NXPH1: variants seen among roughly 807,000 people sequenced by gnomAD.
The protein encoded by NXPH1 is neurexophilin 1.
Under a neutral mutation model 23.7 loss-of-function variants are expected in NXPH1, and 5 were observed. The observed-to-expected ratio is 0.21, with a 90% CI of 0.11 to 0.44. NXPH1 has a LOEUF of 0.44. Ranked by LOEUF, NXPH1 falls within the 20% of genes least tolerant of loss-of-function variation. NXPH1 has a pLI of 0.99. For missense variants in NXPH1, 324 were observed against 321.6 expected, an observed-to-expected ratio of 1.01 and a Z score of -0.06; for synonymous variants, 144 against 122.2, an observed-to-expected ratio of 1.18 and a Z score of -1.18.
intron 2 of NXPH1, among the ~76,000 whole-genome samples, chr7:8,566,265 T>G (rs1033437114): frequency 6.6e-6 from 1 of 151,858 alleles, no homozygotes; most frequent in Admixed American, 6.6e-5. Context: ...GACACTGTGG[T>G]GCTCTCTTTT....
intron 2 of NXPH1, among the ~76,000 whole-genome samples, chr7:8,660,596 G>T (rs1161555063): frequency 1.3e-5 from 2 of 152,166 alleles, no homozygotes; most frequent in African/African-American, 4.8e-5. Flanking sequence ...GACAGGAAAT[G>T]TAAATTTGAA....
chr7:8,462,803 A>G (rs745892556), intron 2 of NXPH1, among the ~76,000 whole-genome samples: 2 of 151,934 alleles, frequency 1.3e-5, no homozygotes, highest in Non-Finnish European at 2.9e-5. Context: ...TTATCCTTTT[A>G]CTCTTATCAC....
At chr7:8,522,620 G>T (rs1439396429) in intron 2 of NXPH1, among the ~76,000 whole-genome samples, 1 of 152,094 alleles carries the variant, frequency 6.6e-6, no homozygotes, top group African/African-American at 2.4e-5. Context: ...TTTTGTGATT[G>T]TTAATTTTAT....
chr7:8,476,347 C>A (rs1816971325), intron 2 of NXPH1, among the ~76,000 whole-genome samples: 1 of 152,064 alleles, frequency 6.6e-6, no homozygotes, highest in Non-Finnish European at 1.5e-5. Context: ...TTTTTCTAAT[C>A]TTTTTCTGTT....
chr7:8,591,863 A>G (rs545908448), intron 2 of NXPH1, among the ~76,000 whole-genome samples: 29 of 135,888 alleles, frequency 2.1e-4, no homozygotes, highest in Admixed American at 4.5e-4. Context: ...TTTTTTTTTG[A>G]TAGTCTCTTT....
At chr7:8,614,187 A>T (rs577631156) in intron 2 of NXPH1, among the ~76,000 whole-genome samples, 1 of 152,056 alleles carries the variant, frequency 6.6e-6, no homozygotes, top group East Asian at 1.9e-4. Context: ...TGTTAGATAG[A>T]TTATATCTTT....
chr7:8,525,752 A>G (rs1817851895), intron 2 of NXPH1, among the ~76,000 whole-genome samples: 1 of 152,184 alleles, frequency 6.6e-6, no homozygotes, highest in Non-Finnish European at 1.5e-5. Context: ...CGTGGTGTTG[A>G]GCATGTGGGT....
intron 2 of NXPH1, among the ~76,000 whole-genome samples, chr7:8,571,224 G>T (rs1329937636): frequency 6.6e-6 from 1 of 151,794 alleles, no homozygotes; most frequent in Non-Finnish European, 1.5e-5. Flanking sequence ...GAGAGTCTGG[G>T]CTAAGACAGG....
chr7:8,498,798 C>G (rs1359802957), intron 2 of NXPH1, among the ~76,000 whole-genome samples: 1 of 151,908 alleles, frequency 6.6e-6, no homozygotes, highest in African/African-American at 2.4e-5. Flanking sequence ...GTTCTAAGAG[C>G]TTAGTAAGAG....
At chr7:8,661,963 T>G (rs1221336205) in intron 2 of NXPH1, among the ~76,000 whole-genome samples, 1 of 151,966 alleles carries the variant, frequency 6.6e-6, no homozygotes, top group African/African-American at 2.4e-5. Context: ...AAATTGTAAA[T>G]TACACAAAAT....
At chr7:8,533,846 G>A (rs1295463165) in intron 2 of NXPH1, among the ~76,000 whole-genome samples, 1 of 152,134 alleles carries the variant, frequency 6.6e-6, no homozygotes, top group East Asian at 1.9e-4. Context: ...GTGTCAAGGG[G>A]AGGAAGAAGG....
At chr7:8,522,267 T>C (rs1164587971) in intron 2 of NXPH1, among the ~76,000 whole-genome samples, 2 of 152,164 alleles carry the variant, frequency 1.3e-5, no homozygotes, top group African/African-American at 2.4e-5. Context: ...AGCATGAGTC[T>C]AGCTCTATCC....
intron 2 of NXPH1, among the ~76,000 whole-genome samples, chr7:8,572,725 A>T (rs1161919322): frequency 6.6e-6 from 1 of 152,086 alleles, no homozygotes; most frequent in Non-Finnish European, 1.5e-5. Flanking sequence ...TCTGTTTTTT[A>T]AAATTTTAAG....
chr7:8,487,498 C>T (rs1817178259), intron 2 of NXPH1, among the ~76,000 whole-genome samples: 1 of 152,086 alleles, frequency 6.6e-6, no homozygotes, highest in Middle Eastern at 3.2e-3. Flanking sequence ...TTATAAATTA[C>T]CTATTCATGG....
chr7:8,666,873 G>A (rs777591754), intron 2 of NXPH1, among the ~76,000 whole-genome samples: 1 of 151,814 alleles, frequency 6.6e-6, no homozygotes, highest in Non-Finnish European at 1.5e-5. Flanking sequence ...TAGTTGTAAT[G>A]TCTCCTATAT....
intron 2 of NXPH1, among the ~76,000 whole-genome samples, chr7:8,504,152 C>G (rs1817484192): frequency 6.6e-6 from 1 of 152,022 alleles, no homozygotes; most frequent in Non-Finnish European, 1.5e-5. Flanking sequence ...TTCCACAAAG[C>G]CTTTCCCATT....
intron 2 of NXPH1, among the ~76,000 whole-genome samples, chr7:8,584,429 T>C (rs1818940696): frequency 6.6e-6 from 1 of 152,194 alleles, no homozygotes; most frequent in Admixed American, 6.5e-5. Context: ...ATTTAACAAA[T>C]ATGCATGCAT....
At chr7:8,727,818 C>T (rs546281016) in intron 2 of NXPH1, among the ~76,000 whole-genome samples, 8 of 152,002 alleles carry the variant, frequency 5.3e-5, no homozygotes, top group Admixed American at 1.3e-4. Context: ...CTTGGTGATG[C>T]GGGCTCTTTT....
intron 2 of NXPH1, among the ~76,000 whole-genome samples, chr7:8,538,235 G>A (rs1818059626): frequency 6.6e-6 from 1 of 151,908 alleles, no homozygotes; most frequent in South Asian, 2.1e-4. Flanking sequence ...ATATCTGGCT[G>A]GTGACTGGCA....
Sources: allele counts gnomAD v4.1 joint callset (sites outside exome capture counted in the v4.1 genomes callset), GRCh38; gene constraint gnomAD v4.1.1; transcripts MANE v1.5; gene names NCBI Gene and HGNC (gene_info 2026-07-23, HGNC 2026-07-21).